Variants in SYN2 observed in about 807,000 individuals in gnomAD.
The protein encoded by SYN2 is synapsin II.
Under a neutral mutation model 50.9 loss-of-function variants are expected in SYN2, and 19 were observed. That is an observed-to-expected ratio of 0.37 (90% CI 0.26 to 0.55). The LOEUF (loss-of-function observed/expected upper bound fraction) is 0.55, where lower values mean the gene tolerates loss of function less well. Ranked by LOEUF, SYN2 falls within the 20% of genes least tolerant of loss-of-function variation. The pLI, the probability that SYN2 is intolerant of heterozygous loss-of-function variation, is 0.81. For missense variants in SYN2, 587 were observed against 576.4 expected (o/e 1.02, Z -0.19); for synonymous variants, 255 against 224.9 (o/e 1.13, Z -1.20).
At chr3:12,176,595 A>G (rs953628817) in intron 10 of SYN2, among the ~76,000 whole-genome samples, 1 of 152,212 alleles carries the variant, frequency 6.6e-6, no homozygotes, top group Non-Finnish European at 1.5e-5. Context: ...CCCTGAGCTG[A>G]TCAGAGCACA....
chr3:12,185,581 G>C, intron 11 of SYN2: 1 of 985,876 alleles, frequency 1.0e-6, no homozygotes. Flanking sequence ...CAGGTGTTTT[G>C]TACCTATTTC....
intron 1 of SYN2, among the ~76,000 whole-genome samples, chr3:12,083,297 C>T (rs1409844907): frequency 6.6e-6 from 1 of 152,226 alleles, no homozygotes; most frequent in East Asian, 1.9e-4. Context: ...CAGGCGTGAG[C>T]CACTGCGCCC....
At chr3:12,060,270 C>T (rs1164561135) in intron 1 of SYN2, among the ~76,000 whole-genome samples, 1 of 151,302 alleles carries the variant, frequency 6.6e-6, no homozygotes, top group Non-Finnish European at 1.5e-5. Flanking sequence ...AGTGTAGAGC[C>T]AAGAAAAATC....
At chr3:12,076,777 A>T (rs1252282979) in intron 1 of SYN2, among the ~76,000 whole-genome samples, 1 of 152,132 alleles carries the variant, frequency 6.6e-6, no homozygotes, top group African/African-American at 2.4e-5. Context: ...ACACAGGTCT[A>T]TCCCATTACA....
At chr3:12,180,468 C>A (rs1698196951) in intron 10 of SYN2, among the ~76,000 whole-genome samples, 1 of 152,246 alleles carries the variant, frequency 6.6e-6, no homozygotes, top group Non-Finnish European at 1.5e-5. Context: ...TGGAATTCGG[C>A]ATCCCAGGAT....
intron 1 of SYN2, among the ~76,000 whole-genome samples, chr3:12,079,927 G>T (rs2125173426): frequency 6.6e-6 from 1 of 152,184 alleles, no homozygotes; most frequent in East Asian, 1.9e-4. Flanking sequence ...ATATCCGTCT[G>T]GTCCTGGGCT....
chr3:12,166,831 C>T lies in SYN2; in HGVS notation c.981-403C>T, dbSNP rs116668744. On this transcript the variant is annotated intron_variant, in intron 7 of 12. Transcript: ENST00000621198. ...GGTAGGCGTCTGGGAACACAAGACACGATATGTACCTTCAAGTGGTTTTCA... is the reference window on the plus strand; with the variant it reads ...GGTAGGCGTCTGGGAACACAAGACATGATATGTACCTTCAAGTGGTTTTCA... Among the ~76,000 whole-genome samples the T allele has an allele frequency of 6.4e-3, 968 of 152,240 alleles. 9 individuals are homozygous for T. The highest frequency in any genetic ancestry group is 0.022 in the African/African-American group (900 of 41,546).
chr3:12,178,445 CA>C (rs1394066587), intron 10 of SYN2, among the ~76,000 whole-genome samples: 3 of 152,196 alleles, frequency 2.0e-5, no homozygotes, highest in Admixed American at 6.5e-5. Flanking sequence ...TTACCTTTGA[CA>C]AAAACCCACA....
intron 1 of SYN2, among the ~76,000 whole-genome samples, chr3:12,078,661 A>G (rs1407490848): frequency 6.6e-6 from 1 of 151,970 alleles, no homozygotes; most frequent in African/African-American, 2.4e-5. Context: ...CCATTGGCCT[A>G]TGTGTCTGTT....
chr3:12,185,689 G>A, intron 11 of SYN2: 1 of 985,814 alleles, frequency 1.0e-6, no homozygotes, highest in African/African-American at 1.7e-5. Context: ...TGTGACTCTT[G>A]TACAGCTTAA....
At chr3:12,070,318 C>T (rs1022955482) in intron 1 of SYN2, 3 of 503,370 alleles carry the variant, frequency 6.0e-6, no homozygotes, top group African/African-American at 2.0e-5. Flanking sequence ...AGCCGTGTTC[C>T]CCTCCATCCT....
At chr3:12,093,196 A>G (rs1259823576) in intron 1 of SYN2, among the ~76,000 whole-genome samples, 1 of 152,234 alleles carries the variant, frequency 6.6e-6, no homozygotes, top group Non-Finnish European at 1.5e-5. Context: ...TTGTTATAAA[A>G]ATCAAATTGG....
intron 1 of SYN2, among the ~76,000 whole-genome samples, chr3:12,025,403 T>C (rs778987209): frequency 1.3e-5 from 2 of 152,188 alleles, no homozygotes; most frequent in African/African-American, 2.4e-5. Context: ...AAAGGGATTA[T>C]TGGTTATTGA....
chr3:12,182,612 C>T (rs61574712), intron 10 of SYN2, among the ~76,000 whole-genome samples: 4,848 of 152,286 alleles, frequency 0.032, 246 homozygotes, highest in African/African-American at 0.11. Flanking sequence ...TAATGTCTTA[C>T]TCTTTCCCTC....
intron 1 of SYN2, among the ~76,000 whole-genome samples, chr3:12,024,907 T>G (rs1484374717): frequency 6.6e-6 from 1 of 152,256 alleles, no homozygotes; most frequent in Admixed American, 6.5e-5. Flanking sequence ...CAGCAGTATA[T>G]GAGAGTTCCT....
chr3:12,177,271 G>C (rs757305902), intron 10 of SYN2, among the ~76,000 whole-genome samples: 4 of 152,188 alleles, frequency 2.6e-5, no homozygotes, highest in Non-Finnish European at 5.9e-5. Flanking sequence ...CTTTGAATGC[G>C]TCCCAACACA....
chr3:12,074,382 G>A (rs535841911), intron 1 of SYN2, among the ~76,000 whole-genome samples: 27 of 151,970 alleles, frequency 1.8e-4, no homozygotes, highest in African/African-American at 5.8e-4. Context: ...ACTGTTTATC[G>A]TTGTCTTTTT....
At chr3:12,190,089 G>A (rs756845081) in intron 12 of SYN2, among the ~76,000 whole-genome samples, 1 of 152,180 alleles carries the variant, frequency 6.6e-6, no homozygotes, top group African/African-American at 2.4e-5. Context: ...AGCATCACAG[G>A]CCCATTGTGA....
intron 5 of SYN2, among the ~76,000 whole-genome samples, chr3:12,155,594 G>A (rs1166943232): frequency 6.6e-6 from 1 of 152,196 alleles, no homozygotes; most frequent in Non-Finnish European, 1.5e-5. Flanking sequence ...GACAAAGCTA[G>A]AGAGGGCAGC....
Sources: allele counts gnomAD v4.1 joint callset (sites outside exome capture counted in the v4.1 genomes callset), GRCh38; gene constraint gnomAD v4.1.1; transcripts MANE v1.5; gene names NCBI Gene and HGNC (gene_info 2026-07-23, HGNC 2026-07-21).